The following ZNF385B variants were observed in gnomAD, a reference collection of about 807,000 sequenced individuals.
ZNF385B encodes the protein zinc finger protein 385B.
ZNF385B carries 23 observed loss-of-function variants against 39.2 expected under a neutral mutation model. That is an observed-to-expected ratio of 0.59 (90% CI 0.42 to 0.83). The LOEUF (loss-of-function observed/expected upper bound fraction) is 0.83. ZNF385B is among the 40% of genes least tolerant of loss of function. The pLI, the probability that ZNF385B is intolerant of heterozygous loss-of-function variation, is 0.00. For missense variants in ZNF385B, 552 were observed against 598.9 expected (o/e 0.92, Z 0.82); for synonymous variants, 205 against 222.6 (o/e 0.92, Z 0.70).
intron 3 of ZNF385B, among the ~76,000 whole-genome samples, chr2:179,679,653 A>C (rs1435012985): frequency 6.6e-6 from 1 of 152,074 alleles, no homozygotes; most frequent in Admixed American, 6.6e-5. Flanking sequence ...ATAGCAAAGA[A>C]GAACAGCAGA....
At position 179,830,115 on chromosome 2, in the gene ZNF385B, G is replaced by A. The variant is rs374943093; in HGVS notation, c.-155+30986C>T. On this transcript the variant is annotated intron_variant, in intron 1 of 9. Coordinates refer to ENST00000410066, the MANE Select transcript of ZNF385B (RefSeq NM_152520.6). Reference sequence around the variant, plus strand: ...GATGATAGGCATATTGAAAGACTCCGTATCATGTCACTGGGGAGATGCAAA... The same window carrying A: ...GATGATAGGCATATTGAAAGACTCCATATCATGTCACTGGGGAGATGCAAA... Among the ~76,000 whole-genome samples the A allele has an allele frequency of 3.9e-5, 6 of 152,204 alleles. No homozygotes were observed. The East Asian group carries it at 5.8e-4, about 15-fold the overall frequency.
At chr2:179,541,698 A>G (rs1303084367) in intron 4 of ZNF385B, among the ~76,000 whole-genome samples, 2 of 152,200 alleles carry the variant, frequency 1.3e-5, no homozygotes, top group East Asian at 3.8e-4. Context: ...CTGTTTTTCA[A>G]ATATATTCTG....
chr2:179,650,394 T>C (rs1693095283), intron 3 of ZNF385B, among the ~76,000 whole-genome samples: 2 of 152,234 alleles, frequency 1.3e-5, no homozygotes, highest in Non-Finnish European at 2.9e-5. Context: ...GAATGTTTCC[T>C]TGATAAATAA....
chr2:179,460,635 A>C (rs1438684075), intron 6 of ZNF385B, among the ~76,000 whole-genome samples: 1 of 152,176 alleles, frequency 6.6e-6, no homozygotes, highest in African/African-American at 2.4e-5. Context: ...TGTAGAACCT[A>C]AGATGGGTTT....
At chr2:179,835,886 T>C (rs1352256592) in intron 1 of ZNF385B, among the ~76,000 whole-genome samples, 1 of 152,146 alleles carries the variant, frequency 6.6e-6, no homozygotes, top group Non-Finnish European at 1.5e-5. Context: ...ATGATTATTA[T>C]TTTGTAGTAA....
At chr2:179,822,923 C>A (rs891065480) in intron 1 of ZNF385B, among the ~76,000 whole-genome samples, 5 of 152,076 alleles carry the variant, frequency 3.3e-5, no homozygotes, top group African/African-American at 1.2e-4. Context: ...TGTCAAAGTT[C>A]TATTAGTTAT....
At chr2:179,587,760 G>GA (rs538313055) in intron 3 of ZNF385B, among the ~76,000 whole-genome samples, 141 of 152,222 alleles carry the variant, frequency 9.3e-4, no homozygotes, top group African/African-American at 3.3e-3. Flanking sequence ...AGAAGCACAG[G>GA]AAAAAAGAGA....
In ZNF385B at chr2:179,852,582, T is replaced by C. The variant is rs116222216; in HGVS notation, c.-155+8519A>G. 2.5e-3 allele frequency among the ~76,000 whole-genome samples: 388 copies of C among 152,236 alleles called. 4 individuals are homozygous for C. The highest frequency in any genetic ancestry group is 9.1e-3 in the African/African-American group (376 of 41,536). Reference sequence around the variant, plus strand: ...AGGCGTCCAGTGGTTCACGTTGGCATGGAAACTCATCGTGGACTAAAACCT... The same window carrying C: ...AGGCGTCCAGTGGTTCACGTTGGCACGGAAACTCATCGTGGACTAAAACCT... On this transcript the variant is annotated intron_variant, in intron 1 of 9. Coordinates refer to ENST00000410066, the MANE Select transcript of ZNF385B (RefSeq NM_152520.6).
intron 1 of ZNF385B, among the ~76,000 whole-genome samples, chr2:179,781,681 G>A (rs768819426): frequency 3.3e-5 from 5 of 151,928 alleles, no homozygotes; most frequent in African/African-American, 9.7e-5. Flanking sequence ...AAACTACTAC[G>A]AACACCTCTA....
chr2:179,653,089 G>A (rs1281364526), intron 3 of ZNF385B, among the ~76,000 whole-genome samples: 2 of 152,122 alleles, frequency 1.3e-5, no homozygotes, highest in African/African-American at 4.8e-5. Context: ...TGTTCTAAAT[G>A]CATAGAAGAA....
intron 3 of ZNF385B, among the ~76,000 whole-genome samples, chr2:179,648,026 T>A (rs1235464463): frequency 6.6e-6 from 1 of 152,010 alleles, no homozygotes; most frequent in Non-Finnish European, 1.5e-5. Flanking sequence ...GGCAGAGCAG[T>A]GCCCAGCATG....
At chr2:179,445,307 T>C (rs1339484423) in intron 8 of ZNF385B, among the ~76,000 whole-genome samples, 1 of 152,186 alleles carries the variant, frequency 6.6e-6, no homozygotes, top group East Asian at 1.9e-4. Flanking sequence ...TAGGCTCCAG[T>C]GACTACTGTT....
intron 1 of ZNF385B, among the ~76,000 whole-genome samples, chr2:179,798,793 T>C (rs1705844787): frequency 6.6e-6 from 1 of 152,142 alleles, no homozygotes; most frequent in Non-Finnish European, 1.5e-5. Flanking sequence ...ACACGGTTGT[T>C]TATTTCACTT....
At chr2:179,515,790 A>G (rs2058047685) in intron 5 of ZNF385B, among the ~76,000 whole-genome samples, 1 of 152,142 alleles carries the variant, frequency 6.6e-6, no homozygotes, top group Admixed American at 6.6e-5. Flanking sequence ...TACTCTATAT[A>G]TAGTAAAATT....
At chr2:179,814,259 C>T (rs961489310) in intron 1 of ZNF385B, 2 of 218,090 alleles carry the variant, frequency 9.2e-6, no homozygotes, top group African/African-American at 4.7e-5. Context: ...TCATGTCACA[C>T]ATGCTCCTGC....
intron 3 of ZNF385B, among the ~76,000 whole-genome samples, chr2:179,760,189 C>T (rs1317959942): frequency 1.3e-5 from 2 of 150,506 alleles, no homozygotes; most frequent in Non-Finnish European, 2.9e-5. Flanking sequence ...AAAGCTTATT[C>T]AGATTTCTCC....
At chr2:179,648,562 A>T (rs1005625513) in intron 3 of ZNF385B, among the ~76,000 whole-genome samples, 3 of 152,130 alleles carry the variant, frequency 2.0e-5, no homozygotes, top group Non-Finnish European at 4.4e-5. Flanking sequence ...CACCCCCGAA[A>T]ACACCCAAAT....
intron 3 of ZNF385B, among the ~76,000 whole-genome samples, chr2:179,647,318 C>T (rs1289470599): frequency 6.6e-6 from 1 of 151,858 alleles, no homozygotes; most frequent in Non-Finnish European, 1.5e-5. Flanking sequence ...TGTGGTACAT[C>T]AACATTTTGT....
At chr2:179,828,237 G>A (rs1429434949) in intron 1 of ZNF385B, among the ~76,000 whole-genome samples, 1 of 151,980 alleles carries the variant, frequency 6.6e-6, no homozygotes, top group Non-Finnish European at 1.5e-5. Context: ...TTTATTTTTT[G>A]TAATGTCAAT....
Sources: gnomAD v4.1 joint callset for allele counts (sites outside exome capture counted in the v4.1 genomes callset) on GRCh38, gnomAD v4.1.1 for gene constraint, MANE v1.5 for transcripts, NCBI Gene and HGNC (gene_info 2026-07-23, HGNC 2026-07-21) for gene names.